The following SNTG2 variants were observed in gnomAD, a reference collection of about 807,000 sequenced individuals.
The protein encoded by SNTG2 is syntrophin gamma 2.
SNTG2 carries 74 observed loss-of-function variants against 70.9 expected under a neutral mutation model. The observed-to-expected ratio is 1.04, with a 90% CI of 0.86 to 1.27. The LOEUF (loss-of-function observed/expected upper bound fraction) is 1.27. Ranked by LOEUF, SNTG2 falls within the 50% of genes most tolerant of loss-of-function variation. The pLI is 0.00. For synonymous variants in SNTG2, 278 were observed against 273.8 expected, an observed-to-expected ratio of 1.02 and a Z score of -0.15; for missense variants, 717 against 690.7, an observed-to-expected ratio of 1.04 and a Z score of -0.43.
At chr2:1,165,699 C>A in intron 7 of SNTG2, 64 bp downstream of exon 7, 1 of 1,317,014 alleles carries the variant, frequency 7.6e-7, no homozygotes, top group Non-Finnish European at 1.1e-6. Context: ...CATTATTTAT[C>A]CAAATGCTAC....
chr2:1,237,176 C>T (rs899011231), intron 9 of SNTG2, among the ~76,000 whole-genome samples: 4 of 152,080 alleles, frequency 2.6e-5, no homozygotes, highest in African/African-American at 4.8e-5. Context: ...CTCCTGACCT[C>T]AAGTGATCCA....
chr2:1,273,938 A>G (rs1262986827), intron 14 of SNTG2, among the ~76,000 whole-genome samples: 1 of 152,230 alleles, frequency 6.6e-6, no homozygotes, highest in Non-Finnish European at 1.5e-5. Flanking sequence ...AATGCATAAA[A>G]AGATCTCAAA....
At chr2:1,360,450 C>T (rs1441234935) in intron 16 of SNTG2, among the ~76,000 whole-genome samples, 1 of 152,118 alleles carries the variant, frequency 6.6e-6, no homozygotes, top group Non-Finnish European at 1.5e-5. Flanking sequence ...AGCAGCACAG[C>T]TTAGAAGGAA....
intron 9 of SNTG2, 49 bp from the exon 10 acceptor site, chr2:1,237,839 C>G (rs1351249666): frequency 1.3e-6 from 2 of 1,554,996 alleles, no homozygotes; most frequent in Non-Finnish European, 1.7e-6. Context: ...CGGAGGCAGG[C>G]CCGCTCCCGT....
chr2:1,363,983 T>TG lies in SNTG2; in HGVS notation c.1489-3360_1489-3359insG, dbSNP rs1558234410. Among the ~76,000 whole-genome samples the TG allele has an allele frequency of 3.3e-5, 5 of 151,804 alleles. No homozygotes were observed. The East Asian group carries it at 9.7e-4, about 30-fold the overall frequency. ...CTAGTAATTTCTTTTATTTTCTTTTTTTTTGAGACAGAGTTTCACTCTTGT... is the reference window on the plus strand; with the variant it reads ...CTAGTAATTTCTTTTATTTTCTTTTTGTTTTGAGACAGAGTTTCACTCTTGT... On this transcript the variant is annotated intron_variant, in intron 16 of 16. Transcript: ENST00000308624.
intron 12 of SNTG2, among the ~76,000 whole-genome samples, chr2:1,251,148 G>A (rs1677731112): frequency 6.6e-6 from 1 of 152,182 alleles, no homozygotes; most frequent in Admixed American, 6.5e-5. Context: ...CTGTGAAGTT[G>A]AATTAGCCCC....
intron 8 of SNTG2, among the ~76,000 whole-genome samples, chr2:1,204,646 T>TTATA (rs1276355222): frequency 1.3e-5 from 2 of 152,204 alleles, no homozygotes; most frequent in Admixed American, 1.3e-4. Context: ...AATAAGCTCT[T>TTATA]TATAGAGAGA....
intron 1 of SNTG2, among the ~76,000 whole-genome samples, chr2:988,961 T>C (rs1016925994): frequency 5.9e-5 from 9 of 152,250 alleles, no homozygotes; most frequent in Admixed American, 5.2e-4. Flanking sequence ...ACATATTTTG[T>C]TAAGTTTATG....
intron 8 of SNTG2, among the ~76,000 whole-genome samples, chr2:1,203,686 A>ATGTGTGTGTGTGTGTGTGTGTG (rs1412007858): frequency 7.0e-6 from 1 of 142,936 alleles, no homozygotes; most frequent in African/African-American, 2.6e-5. Context: ...ATATATATAT[A>ATGTGTGTGTGTGTGTGTGTGTG]TATATGTGTG....
intron 8 of SNTG2, among the ~76,000 whole-genome samples, chr2:1,207,948 A>G (rs1426937285): frequency 1.3e-5 from 2 of 152,244 alleles, no homozygotes; most frequent in African/African-American, 4.8e-5. Flanking sequence ...TACATAGTGA[A>G]CATCCAGCAG....
chr2:1,156,553 C>T (rs1293018694), intron 6 of SNTG2, among the ~76,000 whole-genome samples: 1 of 152,174 alleles, frequency 6.6e-6, no homozygotes, highest in Non-Finnish European at 1.5e-5. Context: ...AGAGATTAAC[C>T]AGCCAGCACT....
At chr2:1,090,224 C>T (rs1664934276) in intron 2 of SNTG2, among the ~76,000 whole-genome samples, 1 of 152,146 alleles carries the variant, frequency 6.6e-6, no homozygotes, top group Non-Finnish European at 1.5e-5. Context: ...ATGAACTGTC[C>T]AAAGTTGATA....
intron 4 of SNTG2, among the ~76,000 whole-genome samples, chr2:1,132,299 G>A (rs924726067): frequency 6.6e-6 from 1 of 151,738 alleles, no homozygotes; most frequent in Non-Finnish European, 1.5e-5. Context: ...TGATAGGTTT[G>A]ACAGCATGCA....
intron 11 of SNTG2, among the ~76,000 whole-genome samples, chr2:1,240,288 C>T (rs35847752): frequency 0.088 from 13,454 of 152,216 alleles, 652 homozygotes; most frequent in South Asian, 0.15. Flanking sequence ...GAGCCCTTAA[C>T]GTTGTCCTGG....
chr2:1,128,671 A>G (rs1667848361), intron 4 of SNTG2, among the ~76,000 whole-genome samples: 1 of 152,158 alleles, frequency 6.6e-6, no homozygotes, highest in East Asian at 1.9e-4. Flanking sequence ...TATTGTTTAT[A>G]TACTGCCATG....
intron 14 of SNTG2, among the ~76,000 whole-genome samples, chr2:1,293,461 G>A (rs1188241721): frequency 6.6e-6 from 1 of 151,494 alleles, no homozygotes; most frequent in African/African-American, 2.4e-5. Context: ...ATGCCAATTT[G>A]AGATCTTTCT....
intron 1 of SNTG2, among the ~76,000 whole-genome samples, chr2:968,613 A>G (rs927667047): frequency 1.3e-5 from 2 of 152,180 alleles, no homozygotes; most frequent in African/African-American, 2.4e-5. Flanking sequence ...GTTTACCACC[A>G]TGTATTACCT....
At chr2:1,021,436 T>G (rs1261530726) in intron 1 of SNTG2, among the ~76,000 whole-genome samples, 2 of 152,202 alleles carry the variant, frequency 1.3e-5, no homozygotes, top group African/African-American at 4.8e-5. Context: ...TATTGCTTTT[T>G]AAAATCCATC....
At chr2:1,004,338 T>C (rs116801178) in intron 1 of SNTG2, among the ~76,000 whole-genome samples, 2,342 of 152,278 alleles carry the variant, frequency 0.015, 22 homozygotes, top group Non-Finnish European at 0.027. Context: ...TAATTTAAAA[T>C]TGAAGACTTC....
Sources: allele counts gnomAD v4.1 joint callset (sites outside exome capture counted in the v4.1 genomes callset), GRCh38; gene constraint gnomAD v4.1.1; transcripts MANE v1.5; gene names NCBI Gene and HGNC (gene_info 2026-07-23, HGNC 2026-07-21).